TENM3: variants seen among roughly 807,000 people sequenced by gnomAD.
TENM3 encodes teneurin transmembrane protein 3, also known as teneurin-3.
Under a neutral mutation model 255.1 loss-of-function variants are expected in TENM3, and 63 were observed. That is an observed-to-expected ratio of 0.25 (90% CI 0.20 to 0.30). The LOEUF is 0.30. Among genes scored for constraint, TENM3 ranks in the 10% least tolerant of loss-of-function variants. The pLI, the probability that TENM3 is intolerant of heterozygous loss-of-function variation, is 1.00. For synonymous variants in TENM3, 1,306 were observed against 1,322.3 expected (o/e 0.99, Z 0.27); for missense variants, 2,929 against 3,461.1 (o/e 0.85, Z 3.86).
At chr4:181,731,197 T>C in the TENM3 span, among the ~76,000 whole-genome samples, 7 of 152,222 alleles carry the variant, frequency 4.6e-5, no homozygotes, top group Non-Finnish European at 8.8e-5. Context: ...GGTAATACTT[T>C]TAAAGTTCTG....
chr4:181,905,498 A>G, the TENM3 span, among the ~76,000 whole-genome samples: 1 of 151,838 alleles, frequency 6.6e-6, no homozygotes, highest in Non-Finnish European at 1.5e-5. Flanking sequence ...GGATAGTAAC[A>G]AAACGTGCCC....
the TENM3 span, among the ~76,000 whole-genome samples, chr4:182,009,088 G>C: frequency 6.6e-6 from 1 of 152,132 alleles, no homozygotes; most frequent in African/African-American, 2.4e-5. Context: ...AGGCTGGAGA[G>C]TAGCAAAGAT....
intron 13 of TENM3, among the ~76,000 whole-genome samples, chr4:182,725,071 G>A (rs76956033): frequency 7.1e-6 from 1 of 139,972 alleles, no homozygotes; most frequent in Non-Finnish European, 1.6e-5. Flanking sequence ...TTTTTTTTTT[G>A]AAACAGGGCC....
At chr4:181,889,920 A>T in the TENM3 span, among the ~76,000 whole-genome samples, 1 of 152,334 alleles carries the variant, frequency 6.6e-6, no homozygotes, top group East Asian at 1.9e-4. Flanking sequence ...TTAATGAATG[A>T]TACAGAAAAA....
intron 3 of TENM3, among the ~76,000 whole-genome samples, chr4:182,417,119 G>T (rs1031449011): frequency 6.6e-6 from 1 of 151,786 alleles, no homozygotes; most frequent in Non-Finnish European, 1.5e-5. Context: ...GATTACAGGC[G>T]CCTGCCACCA....
chr4:182,679,937 A>G, intron 8 of TENM3, 61 bp downstream of exon 8: 1 of 1,411,454 alleles, frequency 7.1e-7, no homozygotes, highest in South Asian at 1.2e-5. Flanking sequence ...TGTTTAATAA[A>G]AACTAAATTA....
Position 182,754,726 on chromosome 4 carries a change from T to C in TENM3, c.4359T>C (p.Asp1453=). The change falls in exon 22 of 28, where the codon GAT becomes GAC. Residue 1453 remains aspartate, a synonymous_variant. Coordinates refer to ENST00000511685, the MANE Select transcript of TENM3 (RefSeq NM_001080477.4). The surrounding 1 kb of genome is among the most constrained non-coding windows in gnomAD (Gnocchi z 5.1). ...GIPSECDCKN[D]ANCDCYQSGD... ...CTTCAGAGTGTGACTGCAAAAATGA[T>C]GCCAACTGTGACTGTTACCAGAGTG... is the stretch of plus-strand genomic sequence containing the variant. 6.2e-7 allele frequency: 1 copy of C among 1,614,046 alleles called. No homozygotes were observed. The highest frequency in any genetic ancestry group is 8.5e-7 in the Non-Finnish European group (1 of 1,179,900).
At chr4:182,030,184 G>A in the TENM3 span, among the ~76,000 whole-genome samples, 1 of 151,930 alleles carries the variant, frequency 6.6e-6, no homozygotes, top group Admixed American at 6.6e-5. Flanking sequence ...CGTTACCTAT[G>A]TATTTAGCCC....
the TENM3 span, among the ~76,000 whole-genome samples, chr4:181,665,441 A>G: frequency 6.6e-6 from 1 of 152,166 alleles, no homozygotes; most frequent in Admixed American, 6.5e-5. Flanking sequence ...AAGCATCAGT[A>G]CAAATATTAT....
At chr4:182,000,152 A>C in the TENM3 span, among the ~76,000 whole-genome samples, 1 of 152,078 alleles carries the variant, frequency 6.6e-6, no homozygotes. Flanking sequence ...AGATGGGATT[A>C]TTTCATTTCC....
At chr4:181,663,500 G>C in the TENM3 span, among the ~76,000 whole-genome samples, 1 of 152,206 alleles carries the variant, frequency 6.6e-6, no homozygotes, top group East Asian at 1.9e-4. Flanking sequence ...ACCTTATGTA[G>C]AGAAAAAATA....
At chr4:181,999,144 C>A in the TENM3 span, among the ~76,000 whole-genome samples, 3 of 152,158 alleles carry the variant, frequency 2.0e-5, no homozygotes, top group Admixed American at 2.0e-4. Flanking sequence ...TTTCCTGGCA[C>A]CAGCAACCTT....
At chr4:181,843,758 C>T in the TENM3 span, among the ~76,000 whole-genome samples, 2 of 136,188 alleles carry the variant, frequency 1.5e-5, no homozygotes, top group African/African-American at 5.5e-5. Flanking sequence ...CTCTCCCTGT[C>T]GCCCAGGCTG....
intron 4 of TENM3, among the ~76,000 whole-genome samples, chr4:182,615,071 T>A (rs1399995744): frequency 3.7e-4 from 27 of 73,708 alleles, no homozygotes; most frequent in African/African-American, 1.4e-3. Context: ...ATATATGTAT[T>A]TTTTTTTTCT....
chr4:181,654,772 A>G, the TENM3 span, among the ~76,000 whole-genome samples: 1 of 151,574 alleles, frequency 6.6e-6, no homozygotes, highest in Middle Eastern at 3.4e-3. Context: ...AAAAAAAAAA[A>G]AAGAAGTGGT....
At chr4:181,643,132 C>T in the TENM3 span, among the ~76,000 whole-genome samples, 2 of 152,074 alleles carry the variant, frequency 1.3e-5, no homozygotes, top group African/African-American at 2.4e-5. Flanking sequence ...TTCTCCTATC[C>T]GTGAGTTTGA....
At chr4:182,053,658 T>G in the TENM3 span, among the ~76,000 whole-genome samples, 1 of 152,162 alleles carries the variant, frequency 6.6e-6, no homozygotes, top group Non-Finnish European at 1.5e-5. Flanking sequence ...GCTACAGCAA[T>G]TTCATCTGAG....
rs1019486397 is a variant in TENM3, at chr4:182,798,035, TA to T, written c.7344+1269del. ...TCACATAAGATTACAATATCATATA[TA>T]TTTTTTTTTAATTGAAATGGGGTCT... is the stretch of plus-strand genomic sequence containing the variant. On this transcript the variant is annotated intron_variant, in intron 27 of 27. Coordinates refer to ENST00000511685, the MANE Select transcript of TENM3 (RefSeq NM_001080477.4). 3.9e-5 allele frequency among the ~76,000 whole-genome samples: 6 copies of T among 152,238 alleles called. No homozygotes were observed. In the East Asian group the frequency reaches 5.8e-4, roughly 15 times the overall value.
chr4:181,707,890 G>C, the TENM3 span, among the ~76,000 whole-genome samples: 1 of 151,992 alleles, frequency 6.6e-6, no homozygotes, highest in Non-Finnish European at 1.5e-5. Flanking sequence ...TTCATAAAAG[G>C]ATACAGAAAA....
Sources: allele counts gnomAD v4.1 joint callset (sites outside exome capture counted in the v4.1 genomes callset), GRCh38; gene constraint gnomAD v4.1.1; non-coding constraint Gnocchi (gnomAD v3.1); transcripts MANE v1.5; gene names NCBI Gene and HGNC (gene_info 2026-07-23, HGNC 2026-07-21).